Variants in CCDC102B observed in about 807,000 individuals in gnomAD.
CCDC102B encodes coiled-coil domain-containing protein 102B.
CCDC102B carries 75 observed loss-of-function variants against 57.4 expected under a neutral mutation model. The ratio of observed to expected loss-of-function variants is 1.31; its 90% CI spans 1.08 to 1.58. The LOEUF (loss-of-function observed/expected upper bound fraction) is 1.58, where lower values mean the gene tolerates loss of function less well. Among genes scored for constraint, CCDC102B ranks in the 40% most tolerant of loss-of-function variants. The probability of loss-of-function intolerance (pLI) is 0.00; values close to 1 mark genes in which losing one functional copy is unlikely to be tolerated. For synonymous variants in CCDC102B, 206 were observed against 201.9 expected (o/e 1.02, Z -0.17); for missense variants, 636 against 582.6 (o/e 1.09, Z -0.94).
chr18:68,859,177 C>G (rs1476659819), intron 4 of CCDC102B: 1 of 141,170 alleles, frequency 7.1e-6, no homozygotes. Flanking sequence ...CTTTGACAAA[C>G]CTGAGAAAAA....
At chr18:68,758,107 C>G (rs1173313197) in intron 2 of CCDC102B, among the ~76,000 whole-genome samples, 1 of 151,910 alleles carries the variant, frequency 6.6e-6, no homozygotes, top group Non-Finnish European at 1.5e-5. Context: ...ACTAAAAATA[C>G]ATTTTCATTT....
At position 68,968,524 on chromosome 18, in the gene CCDC102B, G is replaced by A. The variant is rs144170637; in HGVS notation, c.1264-42410G>A. 3.3e-3 allele frequency among the ~76,000 whole-genome samples: 501 copies of A among 152,154 alleles called. 5 individuals are homozygous for A. The highest frequency in any genetic ancestry group is 0.011 in the African/African-American group (475 of 41,506). ...GATAATGAAGATATTTATCACCTTC[G>A]AAAGGTGTCATGTGCTTGTCTCCAT... On this transcript the variant is annotated intron_variant, in intron 6 of 7. Transcript: ENST00000360242.
chr18:68,997,211 G>A (rs1160214745), intron 6 of CCDC102B, among the ~76,000 whole-genome samples: 1 of 152,098 alleles, frequency 6.6e-6, no homozygotes, highest in Non-Finnish European at 1.5e-5. Context: ...TCCAGTCTCA[G>A]GAAGTTCTTT....
At chr18:68,727,828 A>G (rs929612440) in intron 2 of CCDC102B, among the ~76,000 whole-genome samples, 1 of 152,222 alleles carries the variant, frequency 6.6e-6, no homozygotes, top group Non-Finnish European at 1.5e-5. Flanking sequence ...TCCTGGCAGT[A>G]ATAGAATTGA....
At chr18:68,892,137 A>G (rs1323087429) in intron 5 of CCDC102B, among the ~76,000 whole-genome samples, 1 of 152,174 alleles carries the variant, frequency 6.6e-6, no homozygotes, top group East Asian at 1.9e-4. Context: ...TAATTCCCTT[A>G]ATATCAACTT....
intron 2 of CCDC102B, among the ~76,000 whole-genome samples, chr18:68,735,213 G>A (rs1331073698): frequency 5.5e-5 from 4 of 72,460 alleles, no homozygotes; most frequent in South Asian, 8.1e-4. Flanking sequence ...CACCACACCC[G>A]GCTAATTTTT....
At chr18:68,913,692 A>G (rs1046698703) in intron 6 of CCDC102B, among the ~76,000 whole-genome samples, 1 of 151,690 alleles carries the variant, frequency 6.6e-6, no homozygotes, top group African/African-American at 2.4e-5. Flanking sequence ...AGACAAAACT[A>G]ACCAAACAGG....
chr18:69,001,157 C>T (rs559306752), intron 6 of CCDC102B, among the ~76,000 whole-genome samples: 5 of 152,248 alleles, frequency 3.3e-5, no homozygotes, highest in African/African-American at 1.2e-4. Context: ...AATCATTCCT[C>T]TTCATATCAC....
chr18:68,826,687 T>C (rs1209009786), intron 1 of CCDC102B, among the ~76,000 whole-genome samples: 2 of 152,134 alleles, frequency 1.3e-5, no homozygotes, highest in Non-Finnish European at 2.9e-5. Flanking sequence ...GAAAATCAAT[T>C]TGAATTTTTT....
At chr18:68,870,599 T>C (rs1337615927) in intron 4 of CCDC102B, among the ~76,000 whole-genome samples, 3 of 152,184 alleles carry the variant, frequency 2.0e-5, no homozygotes, top group African/African-American at 7.2e-5. Context: ...TTAGAAGAGA[T>C]GTCTCTGTGG....
intron 7 of CCDC102B, among the ~76,000 whole-genome samples, chr18:69,032,027 A>G (rs1441799624): frequency 6.6e-6 from 1 of 151,664 alleles, no homozygotes; most frequent in Non-Finnish European, 1.5e-5. Context: ...GGATTTTTAT[A>G]TCAAGATTCA....
intron 6 of CCDC102B, among the ~76,000 whole-genome samples, chr18:68,924,022 A>C (rs1446036329): frequency 6.6e-6 from 1 of 151,952 alleles, no homozygotes; most frequent in East Asian, 1.9e-4. Flanking sequence ...GCAACCAAGG[A>C]ACTCTCGTAG....
chr18:69,042,535 A>T (rs2145477255), intron 7 of CCDC102B, among the ~76,000 whole-genome samples: 1 of 152,188 alleles, frequency 6.6e-6, no homozygotes, highest in East Asian at 1.9e-4. Flanking sequence ...CTCTAACAAA[A>T]TCGTGGTGAT....
intron 3 of CCDC102B, among the ~76,000 whole-genome samples, chr18:68,840,025 A>T (rs1473295208): frequency 6.6e-6 from 1 of 152,214 alleles, no homozygotes; most frequent in East Asian, 1.9e-4. Flanking sequence ...TCTCATAAAG[A>T]TCAAGAACAA....
chr18:68,866,139 A>C (rs776926384), intron 4 of CCDC102B, among the ~76,000 whole-genome samples: 11 of 152,216 alleles, frequency 7.2e-5, no homozygotes, highest in Non-Finnish European at 1.6e-4. Context: ...TTATCCAAAT[A>C]TGTACTATCT....
chr18:69,031,855 A>G (rs1229046762), intron 7 of CCDC102B, among the ~76,000 whole-genome samples: 1 of 152,196 alleles, frequency 6.6e-6, no homozygotes, highest in East Asian at 1.9e-4. Context: ...AAATCATTTT[A>G]TAATAAGCAA....
At chr18:68,988,427 G>C (rs991964997) in intron 6 of CCDC102B, among the ~76,000 whole-genome samples, 2 of 151,982 alleles carry the variant, frequency 1.3e-5, no homozygotes, top group African/African-American at 4.8e-5. Flanking sequence ...GGTTGAGCAA[G>C]GACCTACTGA....
intron 4 of CCDC102B, chr18:68,866,670 T>C: frequency 2.6e-6 from 1 of 388,352 alleles, no homozygotes; most frequent in South Asian, 2.5e-5. Context: ...AAACCGCCCT[T>C]TATCTTGCCA....
At chr18:68,971,378 C>T (rs1302547936) in intron 6 of CCDC102B, among the ~76,000 whole-genome samples, 1 of 152,050 alleles carries the variant, frequency 6.6e-6, no homozygotes, top group Non-Finnish European at 1.5e-5. Context: ...ATTATATCTT[C>T]CCACTCAGCA....
Sources: gnomAD v4.1 joint callset for allele counts (sites outside exome capture counted in the v4.1 genomes callset) on GRCh38, gnomAD v4.1.1 for gene constraint, MANE v1.5 for transcripts, NCBI Gene and HGNC (gene_info 2026-07-23, HGNC 2026-07-21) for gene names.